The following YJU2 variants were observed in gnomAD, a reference collection of about 807,000 sequenced individuals.
YJU2 encodes the protein splicing factor YJU2.
In YJU2, 28 loss-of-function variants were observed where a neutral mutation model predicts 39.6. The ratio of observed to expected loss-of-function variants is 0.71; its 90% CI spans 0.52 to 0.97. YJU2 has a LOEUF of 0.97. YJU2 is among the 50% of genes least tolerant of loss of function. The pLI is 0.00. For synonymous variants in YJU2, 184 were observed against 182.4 expected, an observed-to-expected ratio of 1.01 and a Z score of -0.07; for missense variants, 328 against 430.4, an observed-to-expected ratio of 0.76 and a Z score of 2.11.
chr19:4,251,036 G>T lies in YJU2; in HGVS notation c.135G>T (p.Thr45=), dbSNP rs138955469. Residue 45 remains threonine, a synonymous_variant, in exon 3 of 8, where the codon ACG becomes ACT. Coordinates refer to ENST00000262962, the MANE Select transcript of YJU2 (RefSeq NM_018074.6). ...LMAPFNMRCK[T]CGEYIYKGKK... is the part of the protein sequence containing the mutation. ...ACATGCTGCCCCGCAGGTGTAAGAC[G>T]TGCGGAGAATACATCTACAAGGGGA... 9.7e-4 allele frequency: 1,561 copies of T among 1,614,146 alleles called. 10 individuals carry two copies. The African/African-American group carries it at 0.019, about 20-fold the overall frequency.
chr19:4,258,135 G>C (rs1034915587), intron 4 of YJU2, 107 bp from the exon 5 acceptor site: 8 of 1,456,022 alleles, frequency 5.5e-6, no homozygotes, highest in Non-Finnish European at 7.3e-6. Context: ...ATGGAAACGT[G>C]GGGGTAGGGG....
rs1321662600 is a variant in YJU2 at position 4,247,680 on chromosome 19, T to C, written c.24+510T>C. On this transcript the variant is annotated intron_variant, in intron 1 of 7. Transcript: ENST00000262962. Reference sequence around the variant, plus strand: ...GTGTGTGTGTGTGTGTGTGTGTGTGTGTGTGTGTGTGTGTGTGTTTTGTTT... The same window carrying C: ...GTGTGTGTGTGTGTGTGTGTGTGTGCGTGTGTGTGTGTGTGTGTTTTGTTT... Among the ~76,000 whole-genome samples the C allele has an allele frequency of 6.6e-4, 83 of 125,920 alleles. 4 individuals are homozygous for C. Among genetic ancestry groups the C allele is most frequent in the Admixed American group, 1.9e-3 (23 of 12,186 alleles). 82.6% of individuals were successfully genotyped at this position (125,920 alleles called of 152,430 possible).
chr19:4,267,957 C>CTTTTTT (rs1174345223), intron 7 of YJU2, among the ~76,000 whole-genome samples, 183 bp downstream of exon 7: 18 of 143,052 alleles, frequency 1.3e-4, no homozygotes, highest in African/African-American at 4.6e-4. Context: ...TTTCTTTTTT[C>CTTTTTT]TTTTTTTTTT....
chr19:4,264,642 A>G (rs979239571), intron 6 of YJU2, among the ~76,000 whole-genome samples: 10 of 151,776 alleles, frequency 6.6e-5, no homozygotes, highest in African/African-American at 2.2e-4. Flanking sequence ...GCCTGCCACC[A>G]TGCCCGGCTA....
At chr19:4,263,427 C>T (rs1278341838) in intron 6 of YJU2, among the ~76,000 whole-genome samples, 1 of 152,172 alleles carries the variant, frequency 6.6e-6, no homozygotes, top group Non-Finnish European at 1.5e-5. Flanking sequence ...CCAGAGGCCA[C>T]AGCATAGTCA....
At chr19:4,261,703 C>T (rs369813992) in intron 5 of YJU2, among the ~76,000 whole-genome samples, 4 of 151,924 alleles carry the variant, frequency 2.6e-5, no homozygotes, top group South Asian at 4.1e-4. Context: ...TAGGAACACG[C>T]CTGTGGACCC....
Position 4,251,042 on chromosome 19 carries a change from A to T in YJU2, c.141A>T (p.Gly47=). The T allele has an allele frequency of 6.2e-7, 1 of 1,614,180 alleles. No homozygotes were observed. Among genetic ancestry groups the T allele is most frequent in the Non-Finnish European group, 8.5e-7 (1 of 1,180,022 alleles). The change falls in exon 3 of 8, where the codon GGA becomes GGT. Residue 47 remains glycine, a synonymous_variant. Coordinates refer to ENST00000262962, the MANE Select transcript of YJU2 (RefSeq NM_018074.6). ...TGCCCCGCAGGTGTAAGACGTGCGG[A>T]GAATACATCTACAAGGGGAAGAAAT... ...APFNMRCKTC[G]EYIYKGKKFN...
At chr19:4,266,223 T>G (rs943147994) in intron 6 of YJU2, among the ~76,000 whole-genome samples, 5 of 152,092 alleles carry the variant, frequency 3.3e-5, no homozygotes, top group Non-Finnish European at 7.4e-5. Context: ...GTGCCGGGAT[T>G]AGAAGCATGA....
intron 6 of YJU2, among the ~76,000 whole-genome samples, chr19:4,267,084 C>T (rs927171859): frequency 2.6e-5 from 4 of 152,174 alleles, no homozygotes; most frequent in Non-Finnish European, 4.4e-5. Flanking sequence ...CATTTTCACT[C>T]GTTCTCTCAA....
rs112898930 is a variant in YJU2 at position 4,261,993 on chromosome 19, G to C, written c.588-1G>C. ...CCAAGTTCCCATCTTCCATCCCACA[G>C]GGCCCTGTTGGAGGAAGCCAGAAAG... On this transcript the variant is annotated splice_acceptor_variant, in intron 5 of 7. Coordinates refer to ENST00000262962, the MANE Select transcript of YJU2 (RefSeq NM_018074.6). LOFTEE classifies it high-confidence loss of function. The C allele has an allele frequency of 6.2e-7, 1 of 1,613,130 alleles. No individual in the cohort carries two copies. The highest frequency in any genetic ancestry group is 8.5e-7 in the Non-Finnish European group (1 of 1,179,836).
Position 4,268,803 on chromosome 19 carries a change from G to T in YJU2, c.*107G>T. 1.3e-6 allele frequency: 1 copy of T among 793,926 alleles called. No homozygotes were observed. Among genetic ancestry groups the T allele is most frequent in the South Asian group, 1.6e-5 (1 of 64,196 alleles). The allele number at this position is 793,926 out of a possible 1,614,324, so 49.2% of individuals were successfully genotyped here. A position where few individuals can be genotyped will look rare whatever the true frequency, so the allele number is the denominator to read the frequency against. ...GCAGGAGGCCTTGGCGTGACTGGAG[G>T]CCGGACAGACAAGCGCCAGCGTGCT... On this transcript the variant is annotated 3_prime_UTR_variant, in exon 8 of 8. Transcript: ENST00000262962.
rs147600397 is a variant in YJU2 at position 4,267,315 on chromosome 19, C to T, written c.709-309C>T. ...TATTGAAGGGTGAGTAGGAGTTCAC[C>T]AAGCGAGTGCATGGAAAAGGGGGCA... On this transcript the variant is annotated intron_variant, in intron 6 of 7. Coordinates refer to ENST00000262962, the MANE Select transcript of YJU2 (RefSeq NM_018074.6). 2.6e-5 allele frequency among the ~76,000 whole-genome samples: 4 copies of T among 152,210 alleles called. No homozygotes were observed. In the East Asian group the frequency reaches 7.7e-4, roughly 29 times the overall value.
At chr19:4,267,807 G>T in intron 7 of YJU2, 33 bp downstream of exon 7, 6 of 1,586,116 alleles carry the variant, frequency 3.8e-6, no homozygotes, top group Non-Finnish European at 5.1e-6. Flanking sequence ...GCCGGGCGCG[G>T]TTTCTATAGT....
At chr19:4,261,903 G>A in intron 5 of YJU2, 91 bp from the exon 6 acceptor site, 1 of 1,402,144 alleles carries the variant, frequency 7.1e-7, no homozygotes, top group Admixed American at 1.9e-5. Context: ...GAGGTCTCCA[G>A]GCACCCAGGC....
intron 7 of YJU2, 60 bp from the exon 8 acceptor site, chr19:4,268,524 C>T: frequency 7.9e-7 from 1 of 1,265,634 alleles, no homozygotes; most frequent in Non-Finnish European, 1.1e-6. Flanking sequence ...CGGCCCCGTG[C>T]CTTGTCCCTG....
At position 4,254,349 on chromosome 19, in the gene YJU2, C is replaced by T; in HGVS notation, c.271-6C>T. 6.2e-7 allele frequency: 1 copy of T among 1,611,016 alleles called. No homozygotes were observed. The highest frequency in any genetic ancestry group is 8.5e-7 in the Non-Finnish European group (1 of 1,177,534). ...AGGAGCTGATGTCTGTCTATCCTCCCTGCAGACAGACCCTGAAAACACAGA... is the reference window on the plus strand; with the variant it reads ...AGGAGCTGATGTCTGTCTATCCTCCTTGCAGACAGACCCTGAAAACACAGA... On this transcript the variant is annotated splice_region_variant and splice_polypyrimidine_tract_variant and intron_variant, in intron 3 of 7. Transcript: ENST00000262962.
chr19:4,264,026 G>A (rs1205827779), intron 6 of YJU2, among the ~76,000 whole-genome samples: 1 of 151,816 alleles, frequency 6.6e-6, no homozygotes, highest in Non-Finnish European at 1.5e-5. Flanking sequence ...ACTTTGGGAG[G>A]CCAAGGCGGG....
intron 6 of YJU2, among the ~76,000 whole-genome samples, chr19:4,264,181 G>C (rs1421750118): frequency 7.6e-6 from 1 of 131,666 alleles, no homozygotes; most frequent in Non-Finnish European, 1.6e-5. Flanking sequence ...AGAATGGCGT[G>C]AACCCAGGAG....
chr19:4,258,068 T>C (rs1050243664), intron 4 of YJU2, among the ~76,000 whole-genome samples, 174 bp from the exon 5 acceptor site: 11 of 152,172 alleles, frequency 7.2e-5, no homozygotes, highest in African/African-American at 2.7e-4. Flanking sequence ...GACCTGAGTG[T>C]TCTCACCTGT....
Sources: gnomAD v4.1 joint callset for allele counts (sites outside exome capture counted in the v4.1 genomes callset) on GRCh38, gnomAD v4.1.1 for gene constraint, MANE v1.5 for transcripts, NCBI Gene and HGNC (gene_info 2026-07-23, HGNC 2026-07-21) for gene names.